The following RIPOR2 variants were observed in gnomAD, a reference collection of about 807,000 sequenced individuals.
The protein encoded by RIPOR2 is RHO family interacting cell polarization regulator 2.
RIPOR2 carries 39 observed loss-of-function variants against 114.5 expected under a neutral mutation model. The ratio of observed to expected loss-of-function variants is 0.34; its 90% confidence interval spans 0.26 to 0.44. RIPOR2 has a LOEUF of 0.44. Among genes scored for constraint, RIPOR2 ranks in the 20% least tolerant of loss-of-function variants. The pLI is 1.00. For synonymous variants in RIPOR2, 445 were observed against 484.4 expected (o/e 0.92, Z 1.07); for missense variants, 1,007 against 1,255.1 (o/e 0.80, Z 2.99).
At chr6:24,870,061 T>A (rs1432677224) in intron 5 of RIPOR2, among the ~76,000 whole-genome samples, 3 of 152,140 alleles carry the variant, frequency 2.0e-5, no homozygotes, top group Non-Finnish European at 4.4e-5. Context: ...TAAATTTTTT[T>A]AAAAAGAAAG....
chr6:24,993,147 G>A (rs879801420), intron 1 of RIPOR2, among the ~76,000 whole-genome samples: 1 of 152,106 alleles, frequency 6.6e-6, no homozygotes, highest in Non-Finnish European at 1.5e-5. Context: ...TATTAGCCTA[G>A]CTAGTGGCCT....
At chr6:24,877,537 G>A (rs901591708) in intron 1 of RIPOR2, among the ~76,000 whole-genome samples, 23 of 152,120 alleles carry the variant, frequency 1.5e-4, no homozygotes, top group African/African-American at 5.6e-4. Context: ...GGGCACAAAT[G>A]GTTAGACAAA....
chr6:24,836,811 C>T (rs1020426524), intron 14 of RIPOR2, among the ~76,000 whole-genome samples: 3 of 140,942 alleles, frequency 2.1e-5, no homozygotes, highest in Non-Finnish European at 4.8e-5. Flanking sequence ...ATTTAAAATA[C>T]ACACACACAC....
At chr6:24,827,215 T>A (rs187505944) in intron 18 of RIPOR2, among the ~76,000 whole-genome samples, 130 of 152,340 alleles carry the variant, frequency 8.5e-4, no homozygotes, top group African/African-American at 2.9e-3. Context: ...TTCCTGGTCC[T>A]CTGTGCTGGT....
At chr6:24,964,384 C>A (rs1040017583) in intron 1 of RIPOR2, among the ~76,000 whole-genome samples, 8 of 152,170 alleles carry the variant, frequency 5.3e-5, no homozygotes, top group African/African-American at 1.9e-4. Context: ...TAATTGAACC[C>A]ATACAACCTG....
At position 24,873,715 on chromosome 6, in the gene RIPOR2, GT is replaced by G; in HGVS notation, c.272del (p.Asn91ThrfsTer20). Reference sequence around the variant, plus strand: ...GCTGAGGCTCTTTGGGGGGATTGTTGTTTTTGTGGCCTAAATTGTGCATTTT... The same window carrying G: ...GCTGAGGCTCTTTGGGGGGATTGTTGTTTTGTGGCCTAAATTGTGCATTTT... ...LKKMHNLGHK[N>X]NNPPKEPQPK... On this transcript the variant is annotated frameshift_variant, in exon 3 of 22. Transcript: ENST00000643898. LOFTEE classifies it high-confidence loss of function. The G allele has an allele frequency of 6.2e-7, 1 of 1,613,658 alleles. No individual in the cohort carries two copies. Among genetic ancestry groups the G allele is most frequent in the Admixed American group, 1.7e-5 (1 of 59,952 alleles).
At chr6:24,927,303 C>T (rs1269224529) in intron 1 of RIPOR2, among the ~76,000 whole-genome samples, 8 of 53,946 alleles carry the variant, frequency 1.5e-4, no homozygotes, top group East Asian at 4.2e-4. Context: ...CCACCACCAC[C>T]ACAACTACAA....
chr6:24,972,568 A>T (rs73729573), intron 1 of RIPOR2, among the ~76,000 whole-genome samples: 11,919 of 152,234 alleles, frequency 0.078, 990 homozygotes, highest in African/African-American at 0.21. Flanking sequence ...ATATGTGGGT[A>T]GGCTTCAGGG....
intron 13 of RIPOR2, chr6:24,840,305 A>G: frequency 9.6e-7 from 1 of 1,045,144 alleles, no homozygotes; most frequent in Non-Finnish European, 1.2e-6. Flanking sequence ...CATGACAAGA[A>G]GCAGCCCTGC....
intron 1 of RIPOR2, among the ~76,000 whole-genome samples, chr6:24,979,020 A>G (rs1774186845): frequency 6.6e-6 from 1 of 152,176 alleles, no homozygotes. Context: ...TTTTGGAGAA[A>G]GGTTTAACAT....
intron 1 of RIPOR2, chr6:25,023,738 A>G (rs9358823): frequency 1.3e-6 from 1 of 789,986 alleles, no homozygotes; most frequent in Middle Eastern, 3.2e-4. Context: ...GTTCAGGTAC[A>G]TGAAGAACTC....
intron 1 of RIPOR2, among the ~76,000 whole-genome samples, chr6:25,039,761 A>G (rs571991241): frequency 1.3e-5 from 2 of 152,346 alleles, no homozygotes; most frequent in Non-Finnish European, 2.9e-5. Context: ...TTTCCTACAG[A>G]TATAGAATGA....
At chr6:24,954,622 A>AT (rs770357823) in intron 1 of RIPOR2, among the ~76,000 whole-genome samples, 1 of 151,430 alleles carries the variant, frequency 6.6e-6, no homozygotes, top group African/African-American at 2.4e-5. Context: ...TGCCTGGCAA[A>AT]TTTTTTGTAG....
At chr6:24,968,882 T>C (rs964314104) in intron 1 of RIPOR2, among the ~76,000 whole-genome samples, 8 of 152,146 alleles carry the variant, frequency 5.3e-5, no homozygotes, top group African/African-American at 1.2e-4. Context: ...CTGCGTGACA[T>C]CATGTTGCTG....
chr6:24,957,906 A>G (rs968281339), intron 1 of RIPOR2, among the ~76,000 whole-genome samples: 6 of 152,072 alleles, frequency 3.9e-5, no homozygotes, highest in Non-Finnish European at 8.8e-5. Flanking sequence ...CAAATAAACA[A>G]TTACACTTAA....
chr6:24,829,012 T>C (rs1435117446), intron 17 of RIPOR2, among the ~76,000 whole-genome samples: 1 of 152,124 alleles, frequency 6.6e-6, no homozygotes, highest in Non-Finnish European at 1.5e-5. Context: ...ATGTGTTCTT[T>C]TTAAAAATTG....
At chr6:24,901,428 A>G (rs990111066) in intron 1 of RIPOR2, among the ~76,000 whole-genome samples, 2 of 152,248 alleles carry the variant, frequency 1.3e-5, no homozygotes, top group Admixed American at 1.3e-4. Flanking sequence ...GAAGAAATAC[A>G]CATTGAGGAT....
Position 24,997,637 on chromosome 6 carries a change from T to C in RIPOR2, c.76+44214A>G, listed in dbSNP as rs570993851. ...AGCAAAAGCACTCCTCACTTCCTAC[T>C]GCCACAGTATATAACAACCAAAAAT... is the stretch of plus-strand genomic sequence containing the variant. On this transcript the variant is annotated intron_variant, in intron 1 of 13. Coordinates refer to the RIPOR2 transcript ENST00000510784. Among the ~76,000 whole-genome samples, 4 of 152,320 alleles carry C rather than the reference T, an allele frequency of 2.6e-5. No homozygotes were observed. In the South Asian group the frequency reaches 8.3e-4, roughly 32 times the overall value.
intron 1 of RIPOR2, among the ~76,000 whole-genome samples, chr6:24,951,629 C>T (rs1343019313): frequency 6.6e-6 from 1 of 152,116 alleles, no homozygotes; most frequent in Admixed American, 6.5e-5. Flanking sequence ...TGTTTACATG[C>T]GCTAAAAGAA....
Sources: allele counts gnomAD v4.1 joint callset (sites outside exome capture counted in the v4.1 genomes callset), GRCh38; gene constraint gnomAD v4.1.1; transcripts MANE v1.5; gene names NCBI Gene and HGNC (gene_info 2026-07-23, HGNC 2026-07-21).